LYST: variants seen among roughly 807,000 people sequenced by gnomAD.
The protein encoded by LYST is lysosomal trafficking regulator.
In LYST, 192 loss-of-function variants were observed where a neutral mutation model predicts 413.6. The observed-to-expected ratio is 0.46, with a 90% CI of 0.41 to 0.52. The LOEUF is 0.52. Ranked by LOEUF, LYST falls within the 20% of genes least tolerant of loss-of-function variation. The pLI is 0.00. For missense variants in LYST, 3,815 were observed against 4,499.9 expected, an observed-to-expected ratio of 0.85 and a Z score of 4.35; for synonymous variants, 1,525 against 1,567.3, an observed-to-expected ratio of 0.97 and a Z score of 0.64.
chr1:235,806,217 C>CG lies in LYST; in HGVS notation c.2918_2919insC (p.Leu973PhefsTer11). 1 of 1,613,922 alleles carries CG rather than the reference C, an allele frequency of 6.2e-7. No homozygotes were observed. The highest frequency in any genetic ancestry group is 1.3e-5 in the African/African-American group (1 of 74,988). On this transcript the variant is annotated frameshift_variant, in exon 6 of 53. Coordinates refer to ENST00000389793, the MANE Select transcript of LYST (RefSeq NM_000081.4). LOFTEE classifies it high-confidence loss of function. ...AAAACTGTTTCTGGAACACTGAACT[C>CG]AACATGTAGATCCAACGACACATAG...
At chr1:235,734,682 T>G (rs1163475302) in intron 31 of LYST, 23 bp from the exon 32 acceptor site, 1 of 1,520,980 alleles carries the variant, frequency 6.6e-7, no homozygotes. Context: ...TAATAATTTT[T>G]TAGTCATTTA....
At chr1:235,739,565 C>T (rs1572113084) in intron 31 of LYST, among the ~76,000 whole-genome samples, 1 of 147,584 alleles carries the variant, frequency 6.8e-6, no homozygotes. Flanking sequence ...ACCAACTATC[C>T]AAGTGTCATA....
chr1:235,771,063 T>C (rs1272594420), intron 19 of LYST, among the ~76,000 whole-genome samples: 3 of 152,206 alleles, frequency 2.0e-5, no homozygotes, highest in African/African-American at 4.8e-5. Context: ...TGCCATTATC[T>C]GGCAATAATG....
At chr1:235,832,624 G>A (rs944498415) in intron 2 of LYST, among the ~76,000 whole-genome samples, 2 of 151,982 alleles carry the variant, frequency 1.3e-5, no homozygotes, top group Non-Finnish European at 2.9e-5. Flanking sequence ...ATGGCATACT[G>A]CTACATGTAA....
In LYST at chr1:235,808,572, C is replaced by G; in HGVS notation, c.2246G>C (p.Cys749Ser). 2 of 1,613,966 alleles carry G rather than the reference C, an allele frequency of 1.2e-6. No homozygotes were observed. Residue 749 changes from cysteine to serine, a missense_variant, in exon 5 of 53, where the codon TGT (cysteine) becomes TCT (serine). By Grantham distance (112) the Cys-to-Ser change is moderately radical. Coordinates refer to ENST00000389793, the MANE Select transcript of LYST (RefSeq NM_000081.4). ...LQRGVELAHH[C>S]QHLSVTSAQS... ...AGCTGAAGTAACGCTTAGGTGTTGA[C>G]AATGATGTGCTAATTCAACTCCTCT...
At chr1:235,741,693 A>C in intron 30 of LYST, 65 bp from the exon 31 acceptor site, 1 of 1,150,258 alleles carries the variant, frequency 8.7e-7, no homozygotes, top group Non-Finnish European at 1.3e-6. Context: ...TGCTAGCCTC[A>C]ACACAGCCCT....
rs3768067 is a variant in LYST, at chr1:235,810,450, T to C, written c.368A>G (p.His123Arg). 3.0e-4 allele frequency: 478 copies of C among 1,609,896 alleles called. 3 individuals are homozygous for C. The East Asian group carries it at 9.2e-3, about 31-fold the overall frequency. Residue 123 changes from histidine (H) to arginine (R), a missense_variant, in exon 5 of 53, where the codon CAT becomes CGT. His to Arg is a conservative substitution (Grantham distance 29, BLOSUM62 0). Coordinates refer to ENST00000389793, the MANE Select transcript of LYST (RefSeq NM_000081.4). ...ACTAGACAGGGCACTTCCTTCTAAA[T>C]GTAATTTTTCCTGAGTGGATCTTTG... Reference protein sequence around the residue: ...SSQRSTQEKLHLEGSALSSQV... With the variant: ...SSQRSTQEKLRLEGSALSSQV...
At position 235,805,486 on chromosome 1, in the gene LYST, A is replaced by T. The variant is rs1051032692; in HGVS notation, c.3393+257T>A. On this transcript the variant is annotated intron_variant, in intron 6 of 52. Coordinates refer to ENST00000389793, the MANE Select transcript of LYST (RefSeq NM_000081.4). Reference sequence around the variant, plus strand: ...CCAACAGTATCACACAAAAATTTAGATCTTTCAACTTTGAAACACAATATC... The same window carrying T: ...CCAACAGTATCACACAAAAATTTAGTTCTTTCAACTTTGAAACACAATATC... 2.0e-5 allele frequency among the ~76,000 whole-genome samples: 3 copies of T among 151,980 alleles called. No individual in the cohort carries two copies. The East Asian group carries it at 5.8e-4, about 29-fold the overall frequency.
chr1:235,665,731 A>G (rs1658394344), intron 50 of LYST, among the ~76,000 whole-genome samples: 1 of 152,152 alleles, frequency 6.6e-6, no homozygotes, highest in African/African-American at 2.4e-5. Context: ...TCTTCAGAAC[A>G]TCTAAGATTA....
intron 47 of LYST, among the ~76,000 whole-genome samples, chr1:235,688,909 C>T (rs576851321): frequency 1.1e-4 from 17 of 151,516 alleles, no homozygotes; most frequent in Non-Finnish European, 1.9e-4. Flanking sequence ...CGCTTGAACC[C>T]AGGAGGGGGA....
chr1:235,765,148 A>C (rs1239784225), intron 21 of LYST, among the ~76,000 whole-genome samples: 1 of 152,088 alleles, frequency 6.6e-6, no homozygotes, highest in African/African-American at 2.4e-5. Context: ...CTCATTCCCA[A>C]TTGCCTACTA....
At chr1:235,877,497 C>T (rs1681189653) in intron 1 of LYST, among the ~76,000 whole-genome samples, 1 of 152,170 alleles carries the variant, frequency 6.6e-6, no homozygotes, top group South Asian at 2.1e-4. Flanking sequence ...ACCTCTGCCT[C>T]CCGGGTTCAA....
chr1:235,766,812 C>T (rs1429931981), intron 20 of LYST, among the ~76,000 whole-genome samples: 1 of 152,062 alleles, frequency 6.6e-6, no homozygotes, highest in Non-Finnish European at 1.5e-5. Flanking sequence ...CTTTTCTTCT[C>T]CTTTTACTAC....
rs189051194 is a variant in LYST at position 235,698,637 on chromosome 1, C to T, written c.10375-1365G>A. Among the ~76,000 whole-genome samples the T allele has an allele frequency of 5.4e-3, 816 of 152,036 alleles. 5 individuals are homozygous for T. Among genetic ancestry groups the T allele is most frequent in the African/African-American group, 0.019 (779 of 41,462 alleles). On this transcript the variant is annotated intron_variant, in intron 45 of 52. Coordinates refer to ENST00000389793, the MANE Select transcript of LYST (RefSeq NM_000081.4). ...CTGTAATCCCAGCACTTTGGGAGGC[C>T]GAGGCGGGCGGATCATGAAGTCAGG...
chr1:235,872,972 G>A (rs536102606), intron 1 of LYST, among the ~76,000 whole-genome samples: 2 of 152,162 alleles, frequency 1.3e-5, no homozygotes, highest in African/African-American at 2.4e-5. Flanking sequence ...TTTATGACTT[G>A]CTTTGTGGTG....
intron 1 of LYST, among the ~76,000 whole-genome samples, chr1:235,876,032 G>A (rs1681117470): frequency 1.3e-5 from 2 of 151,782 alleles, no homozygotes; most frequent in South Asian, 4.2e-4. Context: ...AGACCAGCCT[G>A]GCCAACATGG....
Position 235,731,162 on chromosome 1 carries a change from G to A in LYST, c.8817C>T (p.Asp2939=), listed in dbSNP as rs943874233. Residue 2939 remains aspartate, a synonymous_variant, in exon 35 of 53, where the codon GAC becomes GAT. Coordinates refer to ENST00000389793, the MANE Select transcript of LYST (RefSeq NM_000081.4). The stretch of plus-strand genomic sequence containing the variant: ...GCCATGAGGTTGGATAGTAGATGGG[G>A]TCATACCATACTGCTCTGCAAGTAA... ...QLTHDRAVWY[D]PIYYPTSWQL... 6.2e-7 allele frequency: 1 copy of A among 1,613,878 alleles called. No homozygotes were observed. Among genetic ancestry groups the A allele is most frequent in the African/African-American group, 1.3e-5 (1 of 74,878 alleles).
chr1:235,812,334 T>A lies in LYST; in HGVS notation c.283+637A>T, dbSNP rs117706462. On this transcript the variant is annotated intron_variant, in intron 4 of 52. Coordinates refer to ENST00000389793, the MANE Select transcript of LYST (RefSeq NM_000081.4). ...GCCTGGCCAACATGGTGAAATCCCATCTGTATGTACTAAAATGCAAAAATT... is the reference window on the plus strand; with the variant it reads ...GCCTGGCCAACATGGTGAAATCCCAACTGTATGTACTAAAATGCAAAAATT... 6.1e-4 allele frequency among the ~76,000 whole-genome samples: 92 copies of A among 151,902 alleles called. 2 individuals are homozygous for A. In the East Asian group the frequency reaches 0.017, roughly 29 times the overall value.
chr1:235,664,763 T>C lies in LYST; in HGVS notation c.11039-142A>G. On this transcript the variant is annotated intron_variant, in intron 50 of 52. Coordinates refer to ENST00000389793, the MANE Select transcript of LYST (RefSeq NM_000081.4). This position sits in a 1 kb window ranked among gnomAD's most constrained non-coding sequence, Gnocchi z 4.5. ...AGACAACCCATGACTGAAGACTGTATAAATGAAATTACTACACAAGTTGCA... is the reference window on the plus strand; with the variant it reads ...AGACAACCCATGACTGAAGACTGTACAAATGAAATTACTACACAAGTTGCA... The C allele has an allele frequency of 1.4e-6, 1 of 721,404 alleles. No homozygotes were observed. The highest frequency in any genetic ancestry group is 2.5e-6 in the Non-Finnish European group (1 of 407,980). The allele number at this position is 721,404 out of a possible 1,614,324, so 44.7% of individuals were successfully genotyped here. A position where few individuals can be genotyped will look rare whatever the true frequency, so the allele number is the denominator to read the frequency against.
Sources: allele counts gnomAD v4.1 joint callset (sites outside exome capture counted in the v4.1 genomes callset), GRCh38; gene constraint gnomAD v4.1.1; non-coding constraint Gnocchi (gnomAD v3.1); transcripts MANE v1.5; gene names NCBI Gene and HGNC (gene_info 2026-07-23, HGNC 2026-07-21).